The following MAPK3 variants were observed in gnomAD, a reference collection of about 807,000 sequenced individuals.
MAPK3 encodes the protein MAPK 1.
Under a neutral mutation model 41.8 loss-of-function variants are expected in MAPK3, and 30 were observed. That is an observed-to-expected ratio of 0.72 (90% confidence interval 0.54 to 0.97). The LOEUF (loss-of-function observed/expected upper bound fraction) is 0.97. MAPK3 is among the 50% of genes least tolerant of loss of function. The pLI, the probability that MAPK3 is intolerant of heterozygous loss-of-function variation, is 0.00. For synonymous variants in MAPK3, 222 were observed against 213.4 expected (o/e 1.04, Z -0.35); for missense variants, 413 against 509.9 (o/e 0.81, Z 1.83).
intron 1 of MAPK3, 38 bp downstream of exon 1, chr16:30,123,002 C>A: frequency 7.0e-7 from 1 of 1,434,116 alleles, no homozygotes; most frequent in Non-Finnish European, 9.2e-7. Flanking sequence ...GAAGCCCCCT[C>A]CCCTGAGGGC....
chr16:30,122,378 G>T (rs1596883904), intron 1 of MAPK3: 2 of 333,294 alleles, frequency 6.0e-6, no homozygotes, highest in Non-Finnish European at 1.2e-5. Flanking sequence ...CAAATACTGG[G>T]AAGGTGGCAG....
Position 30,116,633 on chromosome 16 carries a change from C to T in MAPK3, c.*32+3G>A, listed in dbSNP as rs748931510. The T allele has an allele frequency of 3.1e-6, 5 of 1,610,410 alleles. No individual in the cohort carries two copies. Among genetic ancestry groups the T allele is most frequent in the African/African-American group, 1.3e-5 (1 of 75,004 alleles). ...TCCATGTGTGGGCCATGGAGACACT[C>T]ACCAGGCCCCAGGGTGCAGAGATGT... On this transcript the variant is annotated splice_donor_region_variant and intron_variant, in intron 8 of 8. Coordinates refer to ENST00000263025, the MANE Select transcript of MAPK3 (RefSeq NM_002746.3).
Position 30,116,747 on chromosome 16 carries a change from T to G in MAPK3, c.1061A>C (p.Asp354Ala), listed in dbSNP as rs770315722. The stretch of plus-strand genomic sequence containing the variant: ...CTCCTTCAGCCGCTCCTTAGGTAGG[T>G]CATCCAGCTCCATGGCGAAGGTGAA... ...EPFTFAMELD[D>A]LPKERLKELI... Residue 354 changes from aspartate (D) to alanine (A), a missense_variant, in exon 8 of 9, where the codon GAC becomes GCC. Asp to Ala is a moderately radical substitution (Grantham distance 126, BLOSUM62 -2). Around this residue, in one of 4 missense-constraint regions of MAPK3, gnomAD observed 123 missense variants for 147.8 expected, o/e 0.83. Transcript: ENST00000263025. The G allele has an allele frequency of 6.2e-7, 1 of 1,613,718 alleles. No individual in the cohort carries two copies. Among genetic ancestry groups the G allele is most frequent in the African/African-American group, 1.3e-5 (1 of 74,826 alleles).
At chr16:30,120,205 A>G (rs1402801307) in intron 2 of MAPK3, among the ~76,000 whole-genome samples, 1 of 152,122 alleles carries the variant, frequency 6.6e-6, no homozygotes, top group South Asian at 2.1e-4. Context: ...AACAAGAATC[A>G]GCCTTGAAAG....
In MAPK3 at chr16:30,117,022, CAG is replaced by C. The variant is rs749455085; in HGVS notation, c.908-21_908-20del. On this transcript the variant is annotated intron_variant, in intron 6 of 8. Transcript: ENST00000263025. ...TCAAGGGCTATGGAAGGGCAGGAGTCAGGGGTCACAGGGAAGACTGGAGGAGC... is the reference window on the plus strand; with the variant it reads ...TCAAGGGCTATGGAAGGGCAGGAGTCGGGTCACAGGGAAGACTGGAGGAGC... The C allele has an allele frequency of 6.9e-6, 11 of 1,592,522 alleles. No individual in the cohort carries two copies. Among genetic ancestry groups the C allele is most frequent in the Middle Eastern group, 3.3e-4 (2 of 5,976 alleles).
In MAPK3 at chr16:30,121,973, C is replaced by A; in HGVS notation, c.204G>T (p.Val68=). Residue 68 remains valine, a synonymous_variant, in exon 2 of 9, where the codon GTG becomes GTT. Coordinates refer to ENST00000263025, the MANE Select transcript of MAPK3 (RefSeq NM_002746.3). ...CGAAGGGGCTGATCTTCTTGATGGC[C>A]ACGCGAGTCTTGCGCACGTGGTCAT... The part of the protein sequence containing the change: ...SAYDHVRKTR[V]AIKKISPFEH... 2 of 1,614,126 alleles carry A rather than the reference C, an allele frequency of 1.2e-6. No individual in the cohort carries two copies. Among genetic ancestry groups the A allele is most frequent in the Non-Finnish European group, 1.7e-6 (2 of 1,180,042 alleles).
chr16:30,122,237 G>A, intron 1 of MAPK3: 1 of 579,412 alleles, frequency 1.7e-6, no homozygotes, highest in Admixed American at 3.0e-5. Flanking sequence ...GAGACTGACC[G>A]CTCACTGACT....
intron 8 of MAPK3, chr16:30,115,689 G>A (rs954309668): frequency 3.3e-5 from 5 of 152,194 alleles, no homozygotes; most frequent in Non-Finnish European, 7.3e-5. Context: ...AGGATGCAAG[G>A]TGTTGACAGG....
rs931280629 is a variant in MAPK3 at position 30,114,189 on chromosome 16, C to G, written c.*552G>C. On this transcript the variant is annotated 3_prime_UTR_variant, in exon 9 of 9. Coordinates refer to ENST00000263025, the MANE Select transcript of MAPK3 (RefSeq NM_002746.3). ...GCCGGGCTCTCCACGCCCCCCAGCTCCACTTCTGCTCACCACACACAGAAG... is the reference window on the plus strand; with the variant it reads ...GCCGGGCTCTCCACGCCCCCCAGCTGCACTTCTGCTCACCACACACAGAAG... 1.3e-5 allele frequency: 2 copies of G among 152,178 alleles called. No homozygotes were observed. The highest frequency in any genetic ancestry group is 4.8e-5 in the African/African-American group (2 of 41,388). The allele number at this position is 152,178 out of a possible 1,614,324, so 9.4% of individuals were successfully genotyped here.
intron 3 of MAPK3, 38 bp from the exon 4 acceptor site, chr16:30,118,201 G>C: frequency 6.3e-7 from 1 of 1,592,568 alleles, no homozygotes; most frequent in Non-Finnish European, 8.6e-7. Flanking sequence ...GGCGCTCAAG[G>C]CCTCTGCAGC....
intron 1 of MAPK3, chr16:30,122,359 A>T (rs2073025086): frequency 2.8e-6 from 1 of 357,034 alleles, no homozygotes; most frequent in African/African-American, 2.1e-5. Context: ...CTGGGGACAC[A>T]CCATGGGGCA....
chr16:30,118,626 ACCT>A (rs1002332244), intron 2 of MAPK3, 88 bp from the exon 3 acceptor site: 9 of 1,079,414 alleles, frequency 8.3e-6, no homozygotes, highest in Non-Finnish European at 1.2e-5. Context: ...GAGGCTGCAC[ACCT>A]CCTCCAGCCA....
intron 1 of MAPK3, chr16:30,122,331 G>A: frequency 2.5e-6 from 1 of 402,548 alleles, no homozygotes. Context: ...ACCCAAGACA[G>A]GTCCGGGGGT....
At position 30,116,715 on chromosome 16, in the gene MAPK3, A is replaced by G; in HGVS notation, c.1093T>C (p.Phe365Leu). 1.2e-6 allele frequency: 2 copies of G among 1,613,914 alleles called. No individual in the cohort carries two copies. The highest frequency in any genetic ancestry group is 2.2e-5 in the East Asian group (1 of 44,882). The change falls in exon 8 of 9, where the codon TTC becomes CTC. Residue 365 changes from phenylalanine to leucine, a missense_variant. Physicochemically the swap from Phe to Leu is conservative, Grantham distance 22. Around this residue, in one of 4 missense-constraint regions of MAPK3, gnomAD observed 123 missense variants for 147.8 expected, o/e 0.83. Transcript: ENST00000263025. The part of the protein sequence containing the change: ...LPKERLKELI[F>L]QETARFQPGV... Reference sequence around the variant, plus strand: ...GGCTGGAAGCGTGCTGTCTCCTGGAAGATGAGCTCCTTCAGCCGCTCCTTA... The same window carrying G: ...GGCTGGAAGCGTGCTGTCTCCTGGAGGATGAGCTCCTTCAGCCGCTCCTTA...
At position 30,117,206 on chromosome 16, in the gene MAPK3, G is replaced by A; in HGVS notation, c.855C>T (p.Pro285=). 3 of 1,614,146 alleles carry A rather than the reference G, an allele frequency of 1.9e-6. No homozygotes were observed. The highest frequency in any genetic ancestry group is 1.3e-5 in the African/African-American group (1 of 75,044). Residue 285 remains proline, a synonymous_variant, in exon 6 of 9, where the codon CCC becomes CCT. Transcript: ENST00000263025. ...MKARNYLQSL[P]SKTKVAWAKL... ...TGGCCCAAGCCACCTTGGTCTTGGA[G>A]GGCAGAGACTGTAGGTAGTTTCGGG...
At chr16:30,119,906 T>C (rs1035235305) in intron 2 of MAPK3, among the ~76,000 whole-genome samples, 1 of 152,186 alleles carries the variant, frequency 6.6e-6, no homozygotes, top group African/African-American at 2.4e-5. Flanking sequence ...TGGTGGCTCA[T>C]GCCTGTAATC....
chr16:30,119,225 T>G (rs1244792096), intron 2 of MAPK3, among the ~76,000 whole-genome samples: 1 of 151,850 alleles, frequency 6.6e-6, no homozygotes, highest in Non-Finnish European at 1.5e-5. Flanking sequence ...TGAAATCTCC[T>G]CTCTACTACT....
Position 30,118,398 on chromosome 16 carries a change from C to T in MAPK3, c.494G>A (p.Arg165Gln), listed in dbSNP as rs1379935159. ...GAGCAGGTTGGAGGGCTTTAGATCT[C>T]GGTGGAGCACGTTGGCGGAGTGGAT... ...KYIHSANVLH[R>Q]DLKPSNLLIN... Residue 165 changes from arginine (R) to glutamine (Q), a missense_variant, in exon 3 of 9, where the codon CGA (arginine) becomes CAA (glutamine). By Grantham distance (43) the Arg-to-Gln change is conservative. Transcript: ENST00000263025. The T allele has an allele frequency of 1.1e-5, 18 of 1,613,608 alleles. No individual in the cohort carries two copies. The highest frequency in any genetic ancestry group is 1.3e-5 in the African/African-American group (1 of 74,864).
intron 2 of MAPK3, among the ~76,000 whole-genome samples, chr16:30,121,507 G>GGCCA (rs1458656079): frequency 6.6e-6 from 1 of 152,194 alleles, no homozygotes; most frequent in Non-Finnish European, 1.5e-5. Context: ...TGTGGGCAGA[G>GGCCA]GCCAGGTCAT....
Sources: allele counts gnomAD v4.1 joint callset (sites outside exome capture counted in the v4.1 genomes callset), GRCh38; gene constraint gnomAD v4.1.1; regional missense constraint gnomAD v4.1.1; transcripts MANE v1.5; gene names NCBI Gene and HGNC (gene_info 2026-07-23, HGNC 2026-07-21).